Variants in EML4 observed in about 807,000 individuals in gnomAD.
The protein encoded by EML4 is echinoderm microtubule-associated protein-like 4.
A neutral mutation model predicts 129.0 loss-of-function variants in EML4; 72 were observed. The ratio of observed to expected loss-of-function variants is 0.56; its 90% CI spans 0.46 to 0.68. The LOEUF (loss-of-function observed/expected upper bound fraction) is 0.68. EML4 is among the 30% of genes least tolerant of loss of function. The pLI, the probability that EML4 is intolerant of heterozygous loss-of-function variation, is 0.00. For synonymous variants in EML4, 532 were observed against 405.0 expected, an observed-to-expected ratio of 1.31 and a Z score of -3.77; for missense variants, 1,363 against 1,190.6, an observed-to-expected ratio of 1.14 and a Z score of -2.13.
At chr2:42,260,460 C>G (rs1275856728) in intron 3 of EML4, among the ~76,000 whole-genome samples, 1 of 152,210 alleles carries the variant, frequency 6.6e-6, no homozygotes, top group Non-Finnish European at 1.5e-5. Flanking sequence ...GCCAGTGCGC[C>G]CAGCCGCCTC....
intron 4 of EML4, 153 bp downstream of exon 4, chr2:42,261,447 A>T: frequency 4.0e-6 from 2 of 496,354 alleles, no homozygotes; most frequent in Non-Finnish European, 6.7e-6. Context: ...TATGCTTTAT[A>T]GCCCATTGGG....
At chr2:42,180,492 C>T (rs1670869311) in intron 1 of EML4, among the ~76,000 whole-genome samples, 1 of 152,166 alleles carries the variant, frequency 6.6e-6, no homozygotes, top group African/African-American at 2.4e-5. Context: ...GCCAGGTGCC[C>T]TCAGTCCCTA....
intron 1 of EML4, among the ~76,000 whole-genome samples, chr2:42,213,290 C>G (rs1158247412): frequency 6.6e-6 from 1 of 152,174 alleles, no homozygotes; most frequent in Non-Finnish European, 1.5e-5. Context: ...TGACCACTCT[C>G]TTGACTTCTA....
At chr2:42,214,055 C>T (rs1408464340) in intron 1 of EML4, among the ~76,000 whole-genome samples, 2 of 152,074 alleles carry the variant, frequency 1.3e-5, no homozygotes, top group South Asian at 2.1e-4. Flanking sequence ...TTTGTGATCC[C>T]CCAATTTTTC....
intron 1 of EML4, among the ~76,000 whole-genome samples, chr2:42,237,361 A>G (rs1342379492): frequency 6.6e-6 from 1 of 152,122 alleles, no homozygotes; most frequent in Non-Finnish European, 1.5e-5. Context: ...AAGTATCAGT[A>G]TTTTATGGTT....
chr2:42,192,347 C>T (rs1005207093), intron 1 of EML4, among the ~76,000 whole-genome samples: 11 of 150,628 alleles, frequency 7.3e-5, no homozygotes, highest in Non-Finnish European at 1.6e-4. Context: ...TCAAGAGATT[C>T]TCCCGCCTCA....
chr2:42,187,030 T>C (rs1169669207), intron 1 of EML4, among the ~76,000 whole-genome samples: 1 of 138,532 alleles, frequency 7.2e-6, no homozygotes, highest in Non-Finnish European at 1.6e-5. Flanking sequence ...GTCTTTTTTT[T>C]CTTCTCCTTT....
chr2:42,259,722 CTTTTTTTTT>C (rs780243101), intron 3 of EML4, among the ~76,000 whole-genome samples: 3 of 98,346 alleles, frequency 3.1e-5, no homozygotes, highest in African/African-American at 4.3e-5. Context: ...TTCTTTCTTT[CTTTTTTTTT>C]TTTTTTTTTT....
intron 1 of EML4, among the ~76,000 whole-genome samples, chr2:42,234,951 G>A (rs1216598375): frequency 1.3e-5 from 2 of 152,166 alleles, no homozygotes; most frequent in African/African-American, 4.8e-5. Flanking sequence ...GAGGCCAGGA[G>A]TTCAAGGCCA....
chr2:42,289,729 G>C (rs1054408504), intron 11 of EML4: 10 of 151,770 alleles, frequency 6.6e-5, no homozygotes, highest in African/African-American at 2.4e-4. Flanking sequence ...CCAAATATCT[G>C]CATTATAGCA....
In EML4 at chr2:42,271,478, A is replaced by G. The variant is rs1371887560; in HGVS notation, c.667+6747A>G. ...ATGTTGTGGTTAGTAGCAGTCTTCC[A>G]GATTAAAATATGTTTGAAGGCTGTC... On this transcript the variant is annotated intron_variant, in intron 6 of 22. Transcript: ENST00000318522. Among the ~76,000 whole-genome samples, 4 of 152,076 alleles carry G rather than the reference A, an allele frequency of 2.6e-5. No homozygotes were observed. The East Asian group carries it at 7.7e-4, about 29-fold the overall frequency.
chr2:42,312,496 C>A (rs112752927), intron 17 of EML4, among the ~76,000 whole-genome samples: 16 of 152,208 alleles, frequency 1.1e-4, no homozygotes, highest in African/African-American at 3.4e-4. Flanking sequence ...TTGGTCTCCA[C>A]AACCCCATAT....
intron 1 of EML4, among the ~76,000 whole-genome samples, chr2:42,221,012 A>G (rs1216654203): frequency 6.6e-6 from 1 of 152,168 alleles, no homozygotes; most frequent in Non-Finnish European, 1.5e-5. Flanking sequence ...GGTTTAAGGA[A>G]AGAAGCCATC....
chr2:42,258,488 C>T (rs1040377203), intron 3 of EML4, among the ~76,000 whole-genome samples: 2 of 152,074 alleles, frequency 1.3e-5, no homozygotes, highest in African/African-American at 2.4e-5. Flanking sequence ...GCAACCTGCA[C>T]CTCCCGTGTT....
At position 42,321,169 on chromosome 2, in the gene EML4, G is replaced by A. The variant is rs533846865; in HGVS notation, c.2154+3645G>A. On this transcript the variant is annotated intron_variant, in intron 19 of 22. Coordinates refer to ENST00000318522, the MANE Select transcript of EML4 (RefSeq NM_019063.5). Reference sequence around the variant, plus strand: ...GAGGCCAAGGCGGGCGGATCACAAGGTCAAGAGATCTACACCATCCTGGCT... The same window carrying A: ...GAGGCCAAGGCGGGCGGATCACAAGATCAAGAGATCTACACCATCCTGGCT... Among the ~76,000 whole-genome samples, 65 of 74,158 alleles carry A rather than the reference G, an allele frequency of 8.8e-4. 1 individual carries two copies. The highest frequency in any genetic ancestry group is 8.3e-3 in the Admixed American group (55 of 6,608). The allele number at this position is 74,158 out of a possible 152,430, so 48.7% of individuals were successfully genotyped here.
chr2:42,323,627 A>C (rs1165150100), intron 19 of EML4, among the ~76,000 whole-genome samples: 1 of 152,140 alleles, frequency 6.6e-6, no homozygotes, highest in Non-Finnish European at 1.5e-5. Context: ...AGGTACACTG[A>C]ATTTGTTAAC....
intron 1 of EML4, among the ~76,000 whole-genome samples, chr2:42,224,277 G>C (rs1386117199): frequency 2.0e-5 from 3 of 152,076 alleles, no homozygotes; most frequent in African/African-American, 7.2e-5. Flanking sequence ...GCCTGTTCAG[G>C]ACATTATGTA....
intron 13 of EML4, among the ~76,000 whole-genome samples, chr2:42,297,156 C>T (rs1484456931): frequency 6.6e-6 from 1 of 152,120 alleles, no homozygotes; most frequent in Non-Finnish European, 1.5e-5. Flanking sequence ...GTTGAGGGTT[C>T]TTAAAAAATA....
At chr2:42,315,843 A>G in intron 17 of EML4, 119 bp from the exon 18 acceptor site, 2 of 696,902 alleles carry the variant, frequency 2.9e-6, no homozygotes, top group Non-Finnish European at 2.5e-6. Context: ...GGATCACTCC[A>G]TGCACACCAG....
Sources: allele counts gnomAD v4.1 joint callset (sites outside exome capture counted in the v4.1 genomes callset), GRCh38; gene constraint gnomAD v4.1.1; transcripts MANE v1.5; gene names NCBI Gene and HGNC (gene_info 2026-07-23, HGNC 2026-07-21).